Variants in GDA observed in about 807,000 individuals in gnomAD.
GDA encodes guanine deaminase, also known as cytoplasmic PSD-95 interactor.
GDA carries 18 observed loss-of-function variants against 59.6 expected under a neutral mutation model. The ratio of observed to expected loss-of-function variants is 0.30; its 90% CI spans 0.21 to 0.45. GDA has a LOEUF of 0.45. GDA is among the 20% of genes least tolerant of loss of function. GDA has a pLI of 1.00. For missense variants in GDA, 427 were observed against 552.3 expected (o/e 0.77, Z 2.27); for synonymous variants, 201 against 201.1 (o/e 1.00, Z 0.00).
At chr9:72,227,178 T>C (rs1260844063) in intron 8 of GDA, among the ~76,000 whole-genome samples, 1 of 152,102 alleles carries the variant, frequency 6.6e-6, no homozygotes, top group African/African-American at 2.4e-5. Flanking sequence ...GCAAGTTGGG[T>C]ACAGGTTTTG....
intron 1 of GDA, among the ~76,000 whole-genome samples, chr9:72,167,589 C>T (rs542670125): frequency 1.2e-4 from 18 of 152,316 alleles, no homozygotes; most frequent in South Asian, 2.1e-4. Flanking sequence ...GGTTTTTCTG[C>T]GCCCAGCCTC....
At chr9:72,115,132 G>C (rs1435889278) in intron 1 of GDA, among the ~76,000 whole-genome samples, 1 of 152,140 alleles carries the variant, frequency 6.6e-6, no homozygotes, top group African/African-American at 2.4e-5. Flanking sequence ...GTTGGGGCAG[G>C]CTGTGGAAAA....
At chr9:72,179,215 T>C (rs919297804) in intron 1 of GDA, among the ~76,000 whole-genome samples, 4 of 152,198 alleles carry the variant, frequency 2.6e-5, no homozygotes, top group African/African-American at 9.7e-5. Flanking sequence ...TCAGATGCCT[T>C]TCTGAAATCA....
At position 72,249,229 on chromosome 9, in the gene GDA, G is replaced by A; in HGVS notation, c.*887G>A. 1 of 984,876 alleles carries A rather than the reference G, an allele frequency of 1.0e-6. No individual in the cohort carries two copies. The highest frequency in any genetic ancestry group is 1.1e-4 in the East Asian group (1 of 8,810). 61.0% of individuals were successfully genotyped at this position (984,876 alleles called of 1,614,324 possible). On this transcript the variant is annotated 3_prime_UTR_variant, in exon 14 of 14. Transcript: ENST00000358399. Reference sequence around the variant, plus strand: ...TGTAGACTGGAGTCTTCGTGAACTGGGGCAAATGCTGGCATCCAGGAGCCG... The same window carrying A: ...TGTAGACTGGAGTCTTCGTGAACTGAGGCAAATGCTGGCATCCAGGAGCCG...
intron 1 of GDA, among the ~76,000 whole-genome samples, chr9:72,133,168 T>C (rs898731076): frequency 1.1e-4 from 17 of 151,342 alleles, no homozygotes; most frequent in Non-Finnish European, 2.1e-4. Context: ...TGCATGCCTG[T>C]AGTCCCAGCT....
chr9:72,122,707 G>C (rs1001970836), intron 1 of GDA, among the ~76,000 whole-genome samples: 4 of 151,910 alleles, frequency 2.6e-5, no homozygotes, highest in Non-Finnish European at 5.9e-5. Flanking sequence ...GGGATCAAGA[G>C]TAATCCTTTC....
chr9:72,154,324 T>C (rs560142418), intron 1 of GDA, among the ~76,000 whole-genome samples: 1 of 152,296 alleles, frequency 6.6e-6, no homozygotes, highest in East Asian at 1.9e-4. Flanking sequence ...CCTTTTGCTA[T>C]TTATTAAATG....
At chr9:72,135,373 T>C (rs1826183670) in intron 1 of GDA, among the ~76,000 whole-genome samples, 1 of 152,208 alleles carries the variant, frequency 6.6e-6, no homozygotes, top group African/African-American at 2.4e-5. Flanking sequence ...TACTTAATTC[T>C]AACAGTGAAA....
chr9:72,232,338 A>G (rs937331580), intron 10 of GDA, among the ~76,000 whole-genome samples: 10 of 152,206 alleles, frequency 6.6e-5, no homozygotes, highest in East Asian at 1.9e-4. Flanking sequence ...GTAAGACACA[A>G]TAATACGCAT....
chr9:72,191,121 A>G (rs905751141), intron 1 of GDA, among the ~76,000 whole-genome samples: 1 of 152,236 alleles, frequency 6.6e-6, no homozygotes, highest in South Asian at 2.1e-4. Flanking sequence ...TGATCTGTCA[A>G]TTGATAAGCA....
At chr9:72,179,244 G>A (rs889158624) in intron 1 of GDA, among the ~76,000 whole-genome samples, 1 of 152,210 alleles carries the variant, frequency 6.6e-6, no homozygotes, top group African/African-American at 2.4e-5. Context: ...TGTATCAGTA[G>A]TGGTGTCCTG....
At chr9:72,153,712 G>A (rs1827526837) in intron 1 of GDA, among the ~76,000 whole-genome samples, 1 of 150,220 alleles carries the variant, frequency 6.7e-6, no homozygotes, top group Non-Finnish European at 1.5e-5. Flanking sequence ...CTGTCGCAAG[G>A]ACAAAAAACC....
chr9:72,189,436 C>T (rs976578684), intron 1 of GDA, among the ~76,000 whole-genome samples: 1 of 151,962 alleles, frequency 6.6e-6, no homozygotes, highest in Non-Finnish European at 1.5e-5. Context: ...CCTCAGCCTC[C>T]CAAAGTGCTG....
chr9:72,195,337 CTTTT>C (rs55634274), intron 1 of GDA, among the ~76,000 whole-genome samples, 159 bp from the exon 2 acceptor site: 2 of 119,546 alleles, frequency 1.7e-5, no homozygotes, highest in Non-Finnish European at 1.8e-5. Flanking sequence ...AAACACCTGT[CTTTT>C]TTTTTTTTTT....
intron 10 of GDA, among the ~76,000 whole-genome samples, chr9:72,234,756 TA>T (rs1374075431): frequency 2.0e-5 from 3 of 152,234 alleles, no homozygotes; most frequent in Middle Eastern, 3.4e-3. Flanking sequence ...TTAATTACAA[TA>T]AAAAAATTTC....
chr9:72,168,796 A>G (rs537599546), intron 1 of GDA, among the ~76,000 whole-genome samples: 6 of 152,016 alleles, frequency 3.9e-5, no homozygotes, highest in Non-Finnish European at 7.4e-5. Context: ...CTTTATCTCT[A>G]TTTTTCAGAT....
intron 5 of GDA, among the ~76,000 whole-genome samples, chr9:72,214,478 T>G (rs1159370569): frequency 2.6e-5 from 4 of 151,942 alleles, no homozygotes; most frequent in Admixed American, 2.6e-4. Context: ...GTATTTTTAG[T>G]AGAGACGGGG....
At chr9:72,181,201 A>G (rs1486943445) in intron 1 of GDA, among the ~76,000 whole-genome samples, 2 of 152,180 alleles carry the variant, frequency 1.3e-5, no homozygotes, top group African/African-American at 2.4e-5. Context: ...ATGTCTATGT[A>G]AGGTGTAATG....
intron 1 of GDA, among the ~76,000 whole-genome samples, chr9:72,153,519 ACACATG>A (rs1023567624): frequency 6.6e-6 from 1 of 150,704 alleles, no homozygotes. Context: ...TGCTATAAAG[ACACATG>A]CACACGTATG....
Sources: allele counts gnomAD v4.1 joint callset (sites outside exome capture counted in the v4.1 genomes callset), GRCh38; gene constraint gnomAD v4.1.1; transcripts MANE v1.5; gene names NCBI Gene and HGNC (gene_info 2026-07-23, HGNC 2026-07-21).